Variants in SDK1 observed in about 807,000 individuals in gnomAD.
SDK1 encodes protein sidekick-1.
A neutral mutation model predicts 245.5 loss-of-function variants in SDK1; 157 were observed. The ratio of observed to expected loss-of-function variants is 0.64; its 90% confidence interval spans 0.56 to 0.73. SDK1 has a LOEUF of 0.73. Ranked by LOEUF, SDK1 falls within the 30% of genes least tolerant of loss-of-function variation. SDK1 has a pLI of 0.00. For synonymous variants in SDK1, 1,647 were observed against 1,278.5 expected (o/e 1.29, Z -6.15); for missense variants, 3,583 against 3,002.3 (o/e 1.19, Z -4.52).
chr7:3,587,302 TG>T lies in SDK1; in HGVS notation c.299-31777del, dbSNP rs1780722586. ...CAAGATTCTCCAGAGAAACAGAACGTGTGTGTGTGTGTGTGTGTGTGTGTGT... is the reference window on the plus strand; with the variant it reads ...CAAGATTCTCCAGAGAAACAGAACGTTGTGTGTGTGTGTGTGTGTGTGTGT... On this transcript the variant is annotated intron_variant, in intron 1 of 44. Coordinates refer to ENST00000404826, the MANE Select transcript of SDK1 (RefSeq NM_152744.4). Among the ~76,000 whole-genome samples, 48 of 32,060 alleles carry T rather than the reference TG, an allele frequency of 1.5e-3. No homozygotes were observed. In the African/African-American group the frequency reaches 0.018, roughly 12 times the overall value. The allele number at this position is 32,060 out of a possible 152,430, so 21.0% of individuals were successfully genotyped here.
chr7:4,194,940 G>A (rs192238158), intron 35 of SDK1, among the ~76,000 whole-genome samples: 3 of 152,126 alleles, frequency 2.0e-5, no homozygotes, highest in African/African-American at 4.8e-5. Context: ...TAGTGTAATC[G>A]GTTAGCTAGT....
intron 1 of SDK1, among the ~76,000 whole-genome samples, chr7:3,598,677 C>G (rs1339026006): frequency 6.6e-6 from 1 of 152,172 alleles, no homozygotes; most frequent in Non-Finnish European, 1.5e-5. Flanking sequence ...ATACTTTTGT[C>G]ATTTCAAGAA....
chr7:3,853,227 A>C (rs114758443), intron 5 of SDK1, among the ~76,000 whole-genome samples: 3,544 of 152,280 alleles, frequency 0.023, 160 homozygotes, highest in African/African-American at 0.082. Flanking sequence ...AAAGATGGAA[A>C]GTAACCTATT....
At chr7:4,169,406 C>T (rs1484795414) in intron 32 of SDK1, among the ~76,000 whole-genome samples, 4 of 152,182 alleles carry the variant, frequency 2.6e-5, no homozygotes, top group East Asian at 1.9e-4. Flanking sequence ...CCCTCGCTCC[C>T]GTCTAGTGGG....
intron 1 of SDK1, among the ~76,000 whole-genome samples, chr7:3,313,470 A>G (rs1425296609): frequency 6.6e-6 from 1 of 152,240 alleles, no homozygotes; most frequent in East Asian, 1.9e-4. Flanking sequence ...TGGAACTACT[A>G]AAAAATGCAC....
intron 10 of SDK1, 27 bp from the exon 11 acceptor site, chr7:3,969,230 A>G (rs201185612): frequency 9.7e-6 from 15 of 1,549,780 alleles, no homozygotes; most frequent in Non-Finnish European, 1.1e-5. Context: ...CGACTGTAAC[A>G]TGCCTCTTTT....
At chr7:3,339,664 CAA>C (rs1051278752) in intron 1 of SDK1, among the ~76,000 whole-genome samples, 2 of 151,936 alleles carry the variant, frequency 1.3e-5, no homozygotes, top group African/African-American at 2.4e-5. Flanking sequence ...ACGTCAGTCT[CAA>C]AGGAAAATAT....
chr7:3,873,221 C>A (rs1325621442), intron 5 of SDK1, among the ~76,000 whole-genome samples: 1 of 152,004 alleles, frequency 6.6e-6, no homozygotes, highest in Non-Finnish European at 1.5e-5. Context: ...GGTGTAGAAT[C>A]CTGTATTGAG....
chr7:3,388,267 G>A (rs1354450737), intron 1 of SDK1, among the ~76,000 whole-genome samples: 1 of 151,310 alleles, frequency 6.6e-6, no homozygotes, highest in Non-Finnish European at 1.5e-5. Flanking sequence ...AAGTTCTGAG[G>A]TTGAATAAGC....
At chr7:3,504,435 A>C (rs1161777538) in intron 1 of SDK1, among the ~76,000 whole-genome samples, 4 of 152,112 alleles carry the variant, frequency 2.6e-5, no homozygotes, top group Non-Finnish European at 5.9e-5. Context: ...ACTATAATCA[A>C]GATGCTGTGG....
At position 3,951,010 on chromosome 7, in the gene SDK1, C is replaced by A. The variant is rs776148002; in HGVS notation, c.935C>A (p.Thr312Asn). ...RSVVAGSSET[T>N]LECIASARPV... ...GTGGTGGCTGGATCCAGTGAGACCA[C>A]CTTGGAATGTATAGCCAGTGCCAGG... Residue 312 changes from threonine (T) to asparagine (N), a missense_variant, in exon 6 of 45, where the codon ACC becomes AAC. By Grantham distance (65) the Thr-to-Asn change is moderately conservative. Transcript: ENST00000404826. The A allele has an allele frequency of 6.2e-7, 1 of 1,613,772 alleles. No homozygotes were observed. Among genetic ancestry groups the A allele is most frequent in the South Asian group, 1.1e-5 (1 of 91,080 alleles).
At chr7:4,239,330 G>T (rs866642036) in intron 42 of SDK1, among the ~76,000 whole-genome samples, 1 of 152,218 alleles carries the variant, frequency 6.6e-6, no homozygotes, top group South Asian at 2.1e-4. Flanking sequence ...GAAGATGCAT[G>T]AGAGCACCTC....
chr7:3,803,192 A>G (rs1320361699), intron 4 of SDK1, among the ~76,000 whole-genome samples: 3 of 152,090 alleles, frequency 2.0e-5, no homozygotes, highest in South Asian at 2.1e-4. Flanking sequence ...CATTTCCCTA[A>G]TGGCTAGTGA....
At chr7:3,878,974 C>G (rs1183139032) in intron 5 of SDK1, among the ~76,000 whole-genome samples, 1 of 152,124 alleles carries the variant, frequency 6.6e-6, no homozygotes, top group African/African-American at 2.4e-5. Flanking sequence ...TTTGCTAATA[C>G]AGATGATCAT....
At chr7:3,604,602 C>CTTTTTTTTTTTTTTTT (rs201453008) in intron 1 of SDK1, among the ~76,000 whole-genome samples, 2 of 110,514 alleles carry the variant, frequency 1.8e-5, no homozygotes, top group African/African-American at 3.4e-5. Flanking sequence ...CTTTTCTTTT[C>CTTTTTTTTTTTTTTTT]TTTTTTTTTT....
At chr7:3,761,370 C>T (rs1233209844) in intron 4 of SDK1, among the ~76,000 whole-genome samples, 8 of 145,558 alleles carry the variant, frequency 5.5e-5, no homozygotes, top group East Asian at 4.2e-4. Flanking sequence ...TGCCTTAACA[C>T]GGTGAAACCC....
intron 22 of SDK1, among the ~76,000 whole-genome samples, chr7:4,081,890 G>T (rs1424978812): frequency 6.6e-6 from 1 of 152,146 alleles, no homozygotes; most frequent in Non-Finnish European, 1.5e-5. Context: ...CAGACCACAT[G>T]TCACTTTTCC....
intron 1 of SDK1, among the ~76,000 whole-genome samples, chr7:3,536,755 AG>A (rs1251528017): frequency 6.6e-6 from 1 of 152,138 alleles, no homozygotes; most frequent in Non-Finnish European, 1.5e-5. Flanking sequence ...AAGTAAATAA[AG>A]CAAATGTTAA....
chr7:3,510,926 C>T (rs1378173891), intron 1 of SDK1, among the ~76,000 whole-genome samples: 1 of 152,176 alleles, frequency 6.6e-6, no homozygotes, highest in Non-Finnish European at 1.5e-5. Flanking sequence ...ATTTTGATTT[C>T]CTTCCGTGGG....
Sources: gnomAD v4.1 joint callset for allele counts (sites outside exome capture counted in the v4.1 genomes callset) on GRCh38, gnomAD v4.1.1 for gene constraint, MANE v1.5 for transcripts, NCBI Gene and HGNC (gene_info 2026-07-23, HGNC 2026-07-21) for gene names.